The following PDK1 variants were observed in gnomAD, a reference collection of about 807,000 sequenced individuals.
PDK1 encodes the protein pyruvate dehydrogenase kinase 1.
In PDK1, 39 loss-of-function variants were observed where a neutral mutation model predicts 54.2. The ratio of observed to expected loss-of-function variants is 0.72; its 90% CI spans 0.56 to 0.94. The LOEUF (loss-of-function observed/expected upper bound fraction) is 0.94. PDK1 is among the 40% of genes least tolerant of loss of function. PDK1 has a pLI of 0.00. For synonymous variants in PDK1, 221 were observed against 207.1 expected, an observed-to-expected ratio of 1.07 and a Z score of -0.58; for missense variants, 552 against 566.0, an observed-to-expected ratio of 0.98 and a Z score of 0.25.
the PDK1 span, among the ~76,000 whole-genome samples, chr2:172,642,802 CCTCCTCCTT>C: frequency 1.3e-5 from 2 of 150,906 alleles, no homozygotes; most frequent in African/African-American, 4.9e-5. Flanking sequence ...TCCTCCTCCT[CCTCCTCCTT>C]CTTCTTCTCT....
chr2:172,639,142 T>C, the PDK1 span, among the ~76,000 whole-genome samples: 1 of 152,246 alleles, frequency 6.6e-6, no homozygotes, highest in African/African-American at 2.4e-5. Context: ...TGAGGCCTTT[T>C]GCTCCAAAAG....
intron 8 of PDK1, among the ~76,000 whole-genome samples, chr2:172,574,959 ACTT>A (rs897095083): frequency 2.0e-5 from 3 of 152,164 alleles, no homozygotes; most frequent in Non-Finnish European, 4.4e-5. Flanking sequence ...AAGGGGGAGA[ACTT>A]CTTGTCTTTC....
At chr2:172,699,198 A>AT in the PDK1 span, among the ~76,000 whole-genome samples, 3 of 152,206 alleles carry the variant, frequency 2.0e-5, no homozygotes, top group Non-Finnish European at 2.9e-5. Context: ...TAATTACGCT[A>AT]TTTTTTATGG....
intron 1 of PDK1, among the ~76,000 whole-genome samples, chr2:172,557,715 A>G (rs1688423226): frequency 6.6e-6 from 1 of 151,492 alleles, no homozygotes; most frequent in Non-Finnish European, 1.5e-5. Flanking sequence ...CCTGGGCTCA[A>G]GCCATCCTCC....
chr2:172,560,790 T>C (rs1041860797), intron 2 of PDK1, among the ~76,000 whole-genome samples: 2 of 152,252 alleles, frequency 1.3e-5, no homozygotes, highest in Non-Finnish European at 2.9e-5. Context: ...TATACACTCA[T>C]GGAGCCACCT....
At chr2:172,579,402 A>G (rs1436654600) in intron 8 of PDK1, among the ~76,000 whole-genome samples, 1 of 152,048 alleles carries the variant, frequency 6.6e-6, no homozygotes, top group African/African-American at 2.4e-5. Context: ...TACTGTTCTT[A>G]TACGGATTCA....
downstream of PDK1, among the ~76,000 whole-genome samples, chr2:172,612,474 G>T (rs1574562244): frequency 6.7e-6 from 1 of 148,212 alleles, no homozygotes; most frequent in Non-Finnish European, 1.5e-5. Context: ...TAGAAGGTTT[G>T]TTTTTTTTTT....
At chr2:172,580,198 G>A (rs6741688) in intron 8 of PDK1, among the ~76,000 whole-genome samples, 151,002 of 151,244 alleles carry the variant, frequency 1, 75,381 homozygotes, top group Middle Eastern at 1. Context: ...AATAAATGGC[G>A]ATGCCATCTG....
chr2:172,652,604 A>G, the PDK1 span, among the ~76,000 whole-genome samples: 1 of 152,224 alleles, frequency 6.6e-6, no homozygotes, highest in African/African-American at 2.4e-5. Flanking sequence ...TTAAGCTGAT[A>G]AGCAACTTCA....
At chr2:172,632,293 C>T in the PDK1 span, among the ~76,000 whole-genome samples, 1 of 151,872 alleles carries the variant, frequency 6.6e-6, no homozygotes, top group African/African-American at 2.4e-5. Context: ...AAAAAAAAAC[C>T]TTCCCTTGGA....
chr2:172,724,192 G>T, the PDK1 span: 65 of 152,126 alleles, frequency 4.3e-4, no homozygotes, highest in African/African-American at 1.2e-3. Context: ...TCCACAGGTA[G>T]GTTGCTGGAT....
At chr2:172,623,286 C>T in the PDK1 span, among the ~76,000 whole-genome samples, 5 of 152,276 alleles carry the variant, frequency 3.3e-5, no homozygotes, top group African/African-American at 1.2e-4. Context: ...AGAGTGCCTA[C>T]CCTCCACTCA....
chr2:172,625,480 T>C, the PDK1 span, among the ~76,000 whole-genome samples: 2 of 152,338 alleles, frequency 1.3e-5, no homozygotes, highest in South Asian at 4.1e-4. Flanking sequence ...TAACTTTCTT[T>C]CTTCAACCTT....
the PDK1 span, among the ~76,000 whole-genome samples, chr2:172,647,267 G>A: frequency 1.1e-3 from 160 of 152,206 alleles, 1 homozygote; most frequent in African/African-American, 3.5e-3. Flanking sequence ...GGGAGGGGGC[G>A]CAGGGAATAT....
the PDK1 span, among the ~76,000 whole-genome samples, chr2:172,658,338 T>G: frequency 6.6e-6 from 1 of 152,250 alleles, no homozygotes; most frequent in Non-Finnish European, 1.5e-5. Flanking sequence ...ATAAATTTCT[T>G]ACGCCTGTCT....
chr2:172,593,166 G>GT (rs978586587), intron 10 of PDK1, 118 bp downstream of exon 10: 8 of 510,190 alleles, frequency 1.6e-5, no homozygotes, highest in African/African-American at 3.9e-5. Flanking sequence ...AAAAACTATG[G>GT]TTTTTTGCTG....
At chr2:172,579,525 CT>C (rs10660737) in intron 8 of PDK1, among the ~76,000 whole-genome samples, 10,400 of 122,472 alleles carry the variant, frequency 0.085, 866 homozygotes, top group East Asian at 0.51. Context: ...CCCGCTCTTT[CT>C]TTTTTTTTTT....
chr2:172,681,821 C>T, the PDK1 span, among the ~76,000 whole-genome samples: 86 of 152,158 alleles, frequency 5.7e-4, 1 homozygote, highest in Middle Eastern at 6.8e-3. Flanking sequence ...TGGAGTGGTA[C>T]GATCTCTGCT....
chr2:172,578,524 G>A (rs552572887), intron 8 of PDK1, among the ~76,000 whole-genome samples: 2 of 151,680 alleles, frequency 1.3e-5, no homozygotes, highest in South Asian at 4.2e-4. Context: ...TTATACTTTA[G>A]TTCTTTAGTG....
Sources: allele counts gnomAD v4.1 joint callset (sites outside exome capture counted in the v4.1 genomes callset), GRCh38; gene constraint gnomAD v4.1.1; transcripts MANE v1.5; gene names NCBI Gene and HGNC (gene_info 2026-07-23, HGNC 2026-07-21).